TBC1D5: variants seen among roughly 807,000 people sequenced by gnomAD.
TBC1D5 encodes the protein TBC1 domain family, member 5.
TBC1D5 carries 75 observed loss-of-function variants against 100.3 expected under a neutral mutation model. The ratio of observed to expected loss-of-function variants is 0.75; its 90% CI spans 0.62 to 0.91. TBC1D5 has a LOEUF of 0.91. Among genes scored for constraint, TBC1D5 ranks in the 40% least tolerant of loss-of-function variants. The probability of loss-of-function intolerance (pLI) is 0.00; values close to 1 mark genes in which losing one functional copy is unlikely to be tolerated. For synonymous variants in TBC1D5, 323 were observed against 325.6 expected (o/e 0.99, Z 0.09); for missense variants, 910 against 942.4 (o/e 0.97, Z 0.45).
At chr3:17,373,003 C>T (rs2092543545) in intron 12 of TBC1D5, among the ~76,000 whole-genome samples, 1 of 152,064 alleles carries the variant, frequency 6.6e-6, no homozygotes, top group Non-Finnish European at 1.5e-5. Context: ...GATCATGCAG[C>T]CACAGACAAT....
At chr3:17,573,557 CTA>C (rs1437637637) in intron 2 of TBC1D5, among the ~76,000 whole-genome samples, 2 of 152,024 alleles carry the variant, frequency 1.3e-5, no homozygotes, top group African/African-American at 4.8e-5. Flanking sequence ...CTTCAAAAAT[CTA>C]TAGGCTTTCT....
chr3:17,169,221 G>A (rs548336170), intron 19 of TBC1D5, among the ~76,000 whole-genome samples: 4 of 152,178 alleles, frequency 2.6e-5, no homozygotes, highest in Non-Finnish European at 5.9e-5. Context: ...AAACTCCAAG[G>A]TGTTCTTGCT....
At chr3:17,484,732 C>T (rs2095540698) in intron 3 of TBC1D5, among the ~76,000 whole-genome samples, 2 of 151,714 alleles carry the variant, frequency 1.3e-5, no homozygotes, top group South Asian at 2.2e-4. Flanking sequence ...GATCCTCCTG[C>T]CTCAGCTTCC....
intron 1 of TBC1D5, among the ~76,000 whole-genome samples, chr3:17,673,501 AGT>A (rs5846964): frequency 0.5 from 74,621 of 149,562 alleles, 20,117 homozygotes; most frequent in East Asian, 0.94. Context: ...TTTTTTGCAG[AGT>A]GAGGGTTTCG....
chr3:17,523,493 C>T (rs2096087237), intron 2 of TBC1D5, among the ~76,000 whole-genome samples: 1 of 152,048 alleles, frequency 6.6e-6, no homozygotes, highest in South Asian at 2.1e-4. Context: ...ATATCTAGGA[C>T]AGGCTTTGAA....
chr3:17,408,699 T>C (rs2093841165), intron 4 of TBC1D5, among the ~76,000 whole-genome samples: 1 of 152,156 alleles, frequency 6.6e-6, no homozygotes, highest in Non-Finnish European at 1.5e-5. Flanking sequence ...GAAAAGTTTT[T>C]CATACATTAA....
At chr3:17,442,535 C>A (rs180984576) in intron 3 of TBC1D5, among the ~76,000 whole-genome samples, 7 of 152,280 alleles carry the variant, frequency 4.6e-5, no homozygotes, top group Admixed American at 3.9e-4. Flanking sequence ...GTGGGGTAAC[C>A]CTGTAGAAGA....
intron 13 of TBC1D5, among the ~76,000 whole-genome samples, chr3:17,325,814 G>A (rs778898265): frequency 3.9e-5 from 6 of 152,118 alleles, no homozygotes; most frequent in Non-Finnish European, 8.8e-5. Flanking sequence ...CAGCTTTTAC[G>A]TATTGACTAT....
intron 15 of TBC1D5, among the ~76,000 whole-genome samples, chr3:17,279,762 T>G (rs181566884): frequency 1.5e-4 from 23 of 152,370 alleles, no homozygotes; most frequent in Non-Finnish European, 2.8e-4. Flanking sequence ...TACAGAGTTC[T>G]GGGTCCTATC....
At chr3:17,677,161 T>C (rs1326624150) in intron 1 of TBC1D5, among the ~76,000 whole-genome samples, 20 of 152,096 alleles carry the variant, frequency 1.3e-4, no homozygotes, top group Admixed American at 7.9e-4. Context: ...TGGGATCTAA[T>C]TAAACTAAAG....
In TBC1D5 at chr3:17,253,827, GAAC is replaced by G. The variant is rs142982896; in HGVS notation, c.1331+4676_1331+4678del. Reference sequence around the variant, plus strand: ...GCATATATCAGTATGCTTAACCCTTGAACAACACAGGTTTGAACTACACGGGTG... The same window carrying G: ...GCATATATCAGTATGCTTAACCCTTGAACACAGGTTTGAACTACACGGGTG... On this transcript the variant is annotated intron_variant, in intron 16 of 21. Coordinates refer to ENST00000253692, the Ensembl canonical transcript of TBC1D5. Among the ~76,000 whole-genome samples, 1,394 of 152,288 alleles carry G rather than the reference GAAC, an allele frequency of 9.2e-3. 23 individuals carry two copies. The highest frequency in any genetic ancestry group is 0.031 in the African/African-American group (1,301 of 41,544).
At chr3:17,618,986 T>A (rs2062424494) in intron 2 of TBC1D5, among the ~76,000 whole-genome samples, 1 of 152,242 alleles carries the variant, frequency 6.6e-6, no homozygotes, top group African/African-American at 2.4e-5. Context: ...TCTGCATTCA[T>A]CACACTTGGA....
At chr3:17,605,043 T>C (rs1414781817) in intron 2 of TBC1D5, among the ~76,000 whole-genome samples, 2 of 152,178 alleles carry the variant, frequency 1.3e-5, no homozygotes, top group African/African-American at 4.8e-5. Flanking sequence ...CATCTTTACA[T>C]TGGTACAGTT....
chr3:17,648,741 TG>T (rs2065249364), intron 1 of TBC1D5, among the ~76,000 whole-genome samples: 2 of 152,174 alleles, frequency 1.3e-5, no homozygotes, highest in Non-Finnish European at 2.9e-5. Flanking sequence ...TCAGTATCAC[TG>T]ATCATTAGAG....
intron 1 of TBC1D5, among the ~76,000 whole-genome samples, chr3:17,654,523 G>A (rs1274213492): frequency 2.0e-5 from 3 of 152,260 alleles, no homozygotes; most frequent in African/African-American, 7.2e-5. Flanking sequence ...CTTGATCATG[G>A]TGGATAAGCT....
At chr3:17,688,762 T>C (rs1185640173) in intron 1 of TBC1D5, among the ~76,000 whole-genome samples, 2 of 152,234 alleles carry the variant, frequency 1.3e-5, no homozygotes, top group Non-Finnish European at 2.9e-5. Context: ...ATTGATTACT[T>C]TGCTCATCTC....
chr3:17,187,227 T>G (rs929579976), intron 18 of TBC1D5, among the ~76,000 whole-genome samples: 1 of 152,206 alleles, frequency 6.6e-6, no homozygotes, highest in Non-Finnish European at 1.5e-5. Flanking sequence ...CCCCTGTCCT[T>G]GAATCTGGAC....
At chr3:17,732,713 T>G (rs2076663681) in intron 1 of TBC1D5, among the ~76,000 whole-genome samples, 2 of 47,492 alleles carry the variant, frequency 4.2e-5, no homozygotes, top group Non-Finnish European at 1.0e-4. Flanking sequence ...CGAGGCTCCG[T>G]CTCAAAAAAA....
chr3:17,168,257 TAAAG>T lies in TBC1D5; in HGVS notation c.1853-433_1853-430del, dbSNP rs149532130. Among the ~76,000 whole-genome samples, 683 of 152,322 alleles carry T rather than the reference TAAAG, an allele frequency of 4.5e-3. 4 individuals carry two copies. Among genetic ancestry groups the T allele is most frequent in the African/African-American group, 0.015 (619 of 41,564 alleles). ...ATTCCTTCCAGGTGACTGAAATTAA[TAAAG>T]AAACTGTCTTTAAGGATTCATAACA... On this transcript the variant is annotated intron_variant, in intron 19 of 21. Coordinates refer to ENST00000253692, the Ensembl canonical transcript of TBC1D5.
Sources: gnomAD v4.1 joint callset for allele counts (sites outside exome capture counted in the v4.1 genomes callset) on GRCh38, gnomAD v4.1.1 for gene constraint, MANE v1.5 for transcripts, NCBI Gene and HGNC (gene_info 2026-07-23, HGNC 2026-07-21) for gene names.